The following HCFC2 variants were observed in gnomAD, a reference collection of about 807,000 sequenced individuals.
The protein encoded by HCFC2 is host cell factor 2.
A neutral mutation model predicts 89.2 loss-of-function variants in HCFC2; 18 were observed. That is an observed-to-expected ratio of 0.20 (90% CI 0.14 to 0.30). The LOEUF is 0.30. HCFC2 is among the 10% of genes least tolerant of loss of function. The pLI is 1.00. For synonymous variants in HCFC2, 308 were observed against 335.7 expected (o/e 0.92, Z 0.90); for missense variants, 578 against 956.1 (o/e 0.60, Z 5.21).
At chr12:104,102,383 A>G (rs967350114) in intron 14 of HCFC2, among the ~76,000 whole-genome samples, 2 of 152,190 alleles carry the variant, frequency 1.3e-5, no homozygotes, top group African/African-American at 2.4e-5. Context: ...AATGAGTGTC[A>G]TGGGGGTTTG....
chr12:104,070,801 CTTTTTTTT>C (rs35437369), intron 3 of HCFC2, among the ~76,000 whole-genome samples: 2 of 125,008 alleles, frequency 1.6e-5, no homozygotes, highest in Non-Finnish European at 3.4e-5. Flanking sequence ...ATACTTTTTA[CTTTTTTTT>C]TTTTTTTTTT....
At position 104,086,960 on chromosome 12, in the gene HCFC2, G is replaced by T; in HGVS notation, c.1177G>T (p.Asp393Tyr). The change falls in exon 8 of 15, where the codon GAC becomes TAC. Residue 393 changes from aspartate to tyrosine, a missense_variant. Asp to Tyr is a radical substitution (Grantham distance 160). Around this residue, in one of 4 missense-constraint regions of HCFC2, gnomAD observed 210 missense variants for 251.7 expected, o/e 0.83. Transcript: ENST00000229330. Reference protein sequence around the residue: ...VEGYLLQLSTDLPYQAASSDS... With the variant: ...VEGYLLQLSTYLPYQAASSDS... ...GGGCTATCTTTTGCAGTTGAGTACA[G>T]ACTTGCCATACCAAGCTGCATCATC... 1 of 1,614,106 alleles carries T rather than the reference G, an allele frequency of 6.2e-7. No homozygotes were observed. The highest frequency in any genetic ancestry group is 8.5e-7 in the Non-Finnish European group (1 of 1,179,964).
In HCFC2 at chr12:104,098,454, C is replaced by T; in HGVS notation, c.1852C>T (p.Pro618Ser). ...TTTGGTGAGCCAGTTTTATTTGCTG[C>T]CAAAAGGGAAGCAAAGCATCTCAAA... ...TALVSQFYLLPKGKQSISKVG... is the reference protein window; with the variant it reads ...TALVSQFYLLSKGKQSISKVG... The change falls in exon 13 of 15, where the codon CCA (proline) becomes TCA (serine). Residue 618 changes from proline (P) to serine (S), a missense_variant. Pro to Ser is a moderately conservative substitution (Grantham distance 74, BLOSUM62 -1). This residue lies in a region of HCFC2 where 140 missense variants were observed against 266.4 expected (regional missense o/e 0.53). Coordinates refer to ENST00000229330, the MANE Select transcript of HCFC2 (RefSeq NM_013320.3). 6.2e-7 allele frequency: 1 copy of T among 1,604,932 alleles called. No homozygotes were observed. Among genetic ancestry groups the T allele is most frequent in the Non-Finnish European group, 8.5e-7 (1 of 1,176,022 alleles).
intron 3 of HCFC2, among the ~76,000 whole-genome samples, chr12:104,072,809 AT>A (rs918044974): frequency 6.6e-6 from 1 of 150,698 alleles, no homozygotes; most frequent in African/African-American, 2.4e-5. Flanking sequence ...TGCCCAGCTA[AT>A]TTTTTTTGTA....
Position 104,064,620 on chromosome 12 carries a change from C to T in HCFC2, c.60C>T (p.Pro20=), listed in dbSNP as rs1324309624. The change falls in exon 1 of 15, where the codon CCC becomes CCT. Residue 20 remains proline, a synonymous_variant. Coordinates refer to ENST00000229330, the MANE Select transcript of HCFC2 (RefSeq NM_013320.3). This position sits in a 1 kb window ranked among gnomAD's most constrained non-coding sequence, Gnocchi z 7.3. The part of the protein sequence containing the change: ...RRVSSFTGPV[P]RARHGHRAVA... ...TTTCTTCCTTCACGGGGCCGGTCCC[C>T]CGCGCCCGGCACGGACACCGAGCGG... is the stretch of plus-strand genomic sequence containing the variant. 6.3e-7 allele frequency: 1 copy of T among 1,578,110 alleles called. No individual in the cohort carries two copies. Among genetic ancestry groups the T allele is most frequent in the South Asian group, 1.1e-5 (1 of 87,254 alleles).
chr12:104,079,913 T>C (rs1411560379), intron 4 of HCFC2, among the ~76,000 whole-genome samples: 2 of 152,228 alleles, frequency 1.3e-5, no homozygotes, highest in East Asian at 3.8e-4. Context: ...TGATTCTGGT[T>C]TATGCTTATT....
At chr12:104,067,878 G>T in intron 2 of HCFC2, 69 bp from the exon 3 acceptor site, 2 of 1,377,504 alleles carry the variant, frequency 1.5e-6, no homozygotes, top group Non-Finnish European at 1.9e-6. Flanking sequence ...ATATGATGTT[G>T]CACTATTGAC....
intron 13 of HCFC2, among the ~76,000 whole-genome samples, chr12:104,101,056 CTCTG>C (rs75588590): frequency 0.088 from 13,404 of 152,198 alleles, 854 homozygotes; most frequent in Admixed American, 0.17. Flanking sequence ...CACAGTGGCA[CTCTG>C]TCTAACTGGG....
At chr12:104,071,102 G>A (rs1298987335) in intron 3 of HCFC2, among the ~76,000 whole-genome samples, 1 of 151,980 alleles carries the variant, frequency 6.6e-6, no homozygotes, top group African/African-American at 2.4e-5. Context: ...CACCACGCCC[G>A]GCCAATACTT....
chr12:104,080,837 T>C lies in HCFC2; in HGVS notation c.767+7T>C, dbSNP rs746868042. On this transcript the variant is annotated splice_region_variant and intron_variant, in intron 5 of 14. Coordinates refer to ENST00000229330, the MANE Select transcript of HCFC2 (RefSeq NM_013320.3). ...CCAGTGTTATAGGAAACAAGTATGG[T>C]GGTTTTTTGTATTTTGCTTCTGTTT... 6.3e-7 allele frequency: 1 copy of C among 1,574,902 alleles called. No homozygotes were observed. The highest frequency in any genetic ancestry group is 8.6e-7 in the Non-Finnish European group (1 of 1,156,652).
chr12:104,089,518 AAAAT>A (rs763296033), intron 9 of HCFC2, among the ~76,000 whole-genome samples: 31 of 152,198 alleles, frequency 2.0e-4, no homozygotes, highest in South Asian at 4.1e-4. Context: ...TCCGTCTCAA[AAAAT>A]AAATAAATAA....
intron 2 of HCFC2, 84 bp downstream of exon 2, chr12:104,066,399 C>A: frequency 2.2e-6 from 2 of 923,496 alleles, no homozygotes; most frequent in Non-Finnish European, 1.6e-6. Flanking sequence ...ACATTACTAA[C>A]ATTGTTTAAC....
In HCFC2 at chr12:104,100,735, A is replaced by T. The variant is rs561580906; in HGVS notation, c.1879-1233A>T. Among the ~76,000 whole-genome samples, 8 of 152,286 alleles carry T rather than the reference A, an allele frequency of 5.3e-5. No individual in the cohort carries two copies. In the South Asian group the frequency reaches 1.7e-3, roughly 32 times the overall value. On this transcript the variant is annotated intron_variant, in intron 13 of 14. Transcript: ENST00000229330. ...ATTACTCCTCATATCCCTCTTTTTCATACAGAATTTTTCTAATTCTTGACA... is the reference window on the plus strand; with the variant it reads ...ATTACTCCTCATATCCCTCTTTTTCTTACAGAATTTTTCTAATTCTTGACA...
chr12:104,068,134 C>A lies in HCFC2; in HGVS notation c.473+27C>A. 6.6e-7 allele frequency: 1 copy of A among 1,524,428 alleles called. No homozygotes were observed. Among genetic ancestry groups the A allele is most frequent in the South Asian group, 1.3e-5 (1 of 78,544 alleles). The allele number at this position is 1,524,428 out of a possible 1,614,324, so 94.4% of individuals were successfully genotyped here. A position where few individuals can be genotyped will look rare whatever the true frequency, so the allele number is the denominator to read the frequency against. ...TATGCTGACTCTTTCAGACCAAATG[C>A]TTATTTTATGATTTAGAGTAGGAAC... On this transcript the variant is annotated intron_variant, in intron 3 of 14. Transcript: ENST00000229330. The surrounding 1 kb of genome is among the most constrained non-coding windows in gnomAD (Gnocchi z 4.1).
Position 104,064,821 on chromosome 12 carries a change from G to A in HCFC2, c.163+98G>A. 6.1e-6 allele frequency: 7 copies of A among 1,144,912 alleles called. No individual in the cohort carries two copies. Among genetic ancestry groups the A allele is most frequent in the Non-Finnish European group, 8.2e-6 (7 of 854,982 alleles). 70.9% of individuals were successfully genotyped at this position (1,144,912 alleles called of 1,614,324 possible). ...GCGGCCCTGACAGCTGTCACCGCCC[G>A]GTCACTGCTTCCTTGGGCGGGCGGC... is the stretch of plus-strand genomic sequence containing the variant. On this transcript the variant is annotated intron_variant, in intron 1 of 14. Coordinates refer to ENST00000229330, the MANE Select transcript of HCFC2 (RefSeq NM_013320.3). The surrounding 1 kb of genome is among the most constrained non-coding windows in gnomAD (Gnocchi z 7.3).
intron 3 of HCFC2, among the ~76,000 whole-genome samples, chr12:104,071,574 AAC>A (rs1210321074): frequency 6.6e-6 from 1 of 150,968 alleles, no homozygotes; most frequent in African/African-American, 2.5e-5. Flanking sequence ...ACACAGACCT[AAC>A]TATTTTATTT....
chr12:104,080,668 T>G, intron 4 of HCFC2, 78 bp from the exon 5 acceptor site: 1 of 841,672 alleles, frequency 1.2e-6, no homozygotes, highest in Non-Finnish European at 1.9e-6. Context: ...GTCCTTGTTT[T>G]ATTTTTTAAA....
At chr12:104,071,121 A>G (rs1196420358) in intron 3 of HCFC2, among the ~76,000 whole-genome samples, 2 of 152,140 alleles carry the variant, frequency 1.3e-5, no homozygotes, top group African/African-American at 4.8e-5. Context: ...TTTTACTTTC[A>G]ACACATGTCT....
At chr12:104,098,559 A>AG in intron 13 of HCFC2, 79 bp downstream of exon 13, 1 of 1,380,632 alleles carries the variant, frequency 7.2e-7, no homozygotes, top group Non-Finnish European at 9.8e-7. Flanking sequence ...ACTTAGGGAA[A>AG]GGAAAAAAAA....
Sources: allele counts gnomAD v4.1 joint callset (sites outside exome capture counted in the v4.1 genomes callset), GRCh38; gene constraint gnomAD v4.1.1; regional missense constraint gnomAD v4.1.1; non-coding constraint Gnocchi (gnomAD v3.1); transcripts MANE v1.5; gene names NCBI Gene and HGNC (gene_info 2026-07-23, HGNC 2026-07-21).